The following MUC17 variants were observed in gnomAD, a reference collection of about 807,000 sequenced individuals.
The protein encoded by MUC17 is mucin 17, cell surface associated, also known as mucin-17.
Under a neutral mutation model 170.3 loss-of-function variants are expected in MUC17, and 190 were observed. The observed-to-expected ratio is 1.12, with a 90% CI of 0.99 to 1.26. The LOEUF (loss-of-function observed/expected upper bound fraction) is 1.26. MUC17 is among the 50% of genes most tolerant of loss of function. The pLI is 0.00. For synonymous variants in MUC17, 2,325 were observed against 2,002.5 expected, an observed-to-expected ratio of 1.16 and a Z score of -4.30; for missense variants, 6,415 against 5,530.0, an observed-to-expected ratio of 1.16 and a Z score of -5.08.
chr7:101,034,667 C>T lies in MUC17; in HGVS notation c.3251C>T (p.Thr1084Ile), dbSNP rs1306795142. ...TTYSQASSSS[T>I]TADGTSMPTS... is the part of the protein sequence containing the mutation. ...TATTCTCAAGCCAGTTCATCTTCTA[C>T]AACTGCTGACGGTACCAGCATGCCA... The change falls in exon 3 of 13, where the codon ACA becomes ATA. Residue 1084 changes from threonine to isoleucine, a missense_variant. Thr to Ile is a moderately conservative substitution (Grantham distance 89). Transcript: ENST00000306151. The T allele has an allele frequency of 6.2e-7, 1 of 1,606,846 alleles. No individual in the cohort carries two copies. The highest frequency in any genetic ancestry group is 8.5e-7 in the Non-Finnish European group (1 of 1,175,926).
At position 101,035,779 on chromosome 7, in the gene MUC17, A is replaced by G. The variant is rs1479774536; in HGVS notation, c.4363A>G (p.Thr1455Ala). The G allele has an allele frequency of 1.2e-6, 2 of 1,609,116 alleles. No individual in the cohort carries two copies. Among genetic ancestry groups the G allele is most frequent in the Admixed American group, 1.7e-5 (1 of 59,668 alleles). The change falls in exon 3 of 13, where the codon ACT (threonine) becomes GCT (alanine). Residue 1455 changes from threonine (T) to alanine (A), a missense_variant. Coordinates refer to ENST00000306151, the MANE Select transcript of MUC17 (RefSeq NM_001040105.2). ...IPTSTPSEGK[T>A]PLKSIPVSNT... is the part of the protein sequence containing the mutation. ...AACCTCAACTCCTAGTGAAGGAAAG[A>G]CTCCATTAAAAAGTATACCTGTCAG... is the stretch of plus-strand genomic sequence containing the variant.
intron 12 of MUC17, among the ~76,000 whole-genome samples, chr7:101,057,470 C>T (rs534391900): frequency 8.5e-5 from 13 of 152,290 alleles, no homozygotes; most frequent in Admixed American, 8.5e-4. Flanking sequence ...AGGCCAGGTG[C>T]GGTGGCTCAT....
In MUC17 at chr7:101,037,319, C is replaced by T; in HGVS notation, c.5903C>T (p.Thr1968Ile). Residue 1968 changes from threonine (T) to isoleucine (I), a missense_variant, in exon 3 of 13, where the codon ACA becomes ATA. Thr to Ile is a moderately conservative substitution (Grantham distance 89). Coordinates refer to ENST00000306151, the MANE Select transcript of MUC17 (RefSeq NM_001040105.2). The part of the protein sequence containing the change: ...TTYSQASSSP[T>I]TADGTSMPTP... The stretch of plus-strand genomic sequence containing the variant: ...TATTCTCAAGCCAGTTCATCTCCTA[C>T]AACTGCTGATGGTACCAGCATGCCA... 6.2e-7 allele frequency: 1 copy of T among 1,614,088 alleles called. No individual in the cohort carries two copies.
At position 101,035,575 on chromosome 7, in the gene MUC17, C is replaced by A. The variant is rs770816615; in HGVS notation, c.4159C>A (p.Pro1387Thr). The A allele has an allele frequency of 6.2e-7, 1 of 1,602,262 alleles. No homozygotes were observed. Residue 1387 changes from proline to threonine, a missense_variant, in exon 3 of 13, where the codon CCA becomes ACA. Physicochemically the swap from Pro to Thr is conservative, Grantham distance 38. Coordinates refer to ENST00000306151, the MANE Select transcript of MUC17 (RefSeq NM_001040105.2). ...SPTTSEGTSM[P>T]NSNPSEGTTP... ...TACAACTTCTGAAGGTACCAGCATG[C>A]CAAACTCAAATCCTAGTGAAGGAAC...
intron 11 of MUC17, among the ~76,000 whole-genome samples, chr7:101,054,834 A>C (rs916110926): frequency 2.6e-5 from 4 of 150,968 alleles, no homozygotes; most frequent in African/African-American, 9.9e-5. Flanking sequence ...CAAAACAAAC[A>C]AAAAAAATGT....
At chr7:101,024,738 C>CTTTTTTTTTTTTTTT (rs35811119) in intron 1 of MUC17, among the ~76,000 whole-genome samples, 1 of 125,464 alleles carries the variant, frequency 8.0e-6, no homozygotes, top group Non-Finnish European at 1.6e-5. Flanking sequence ...CTGTCTCCTC[C>CTTTTTTTTTTTTTTT]TTTTTTTTTT....
At position 101,055,983 on chromosome 7, in the gene MUC17, C is replaced by T. The variant is rs1264865900; in HGVS notation, c.13364-211C>T. ...CAAGACTTGTGGGATGCAGCTACAG[C>T]TATACTCAGAAAATTCATAGCCTTA... On this transcript the variant is annotated intron_variant, in intron 11 of 12. Transcript: ENST00000306151. 5.9e-5 allele frequency among the ~76,000 whole-genome samples: 9 copies of T among 152,228 alleles called. No individual in the cohort carries two copies. The South Asian group carries it at 1.7e-3, about 28-fold the overall frequency.
rs188123828 is a variant in MUC17 at position 101,048,154 on chromosome 7, G to A, written c.12535+39G>A. Reference sequence around the variant, plus strand: ...CAGGCCTTCCCCCACCCCATGCCCTGGGACCCGACCTCCATACAAGCAACA... The same window carrying A: ...CAGGCCTTCCCCCACCCCATGCCCTAGGACCCGACCTCCATACAAGCAACA... On this transcript the variant is annotated intron_variant, in intron 4 of 12. Transcript: ENST00000306151. 109 of 1,514,362 alleles carry A rather than the reference G, an allele frequency of 7.2e-5. No homozygotes were observed. In the African/African-American group the frequency reaches 1.3e-3, roughly 19 times the overall value. The allele number at this position is 1,514,362 out of a possible 1,614,324, so 93.8% of individuals were successfully genotyped here.
Position 101,034,746 on chromosome 7 carries a change from C to G in MUC17, c.3330C>G (p.Thr1110=). Residue 1110 remains threonine (T), a synonymous_variant, in exon 3 of 13, where the codon ACC becomes ACG. Coordinates refer to ENST00000306151, the MANE Select transcript of MUC17 (RefSeq NM_001040105.2). The stretch of plus-strand genomic sequence containing the variant: ...CACTAACAAGTGTGCCTGTCAGCAC[C>G]AGGCTGGTGGTCAGTTCTGAGGCTA... ...STPLTSVPVS[T]RLVVSSEAST... 1.2e-6 allele frequency: 2 copies of G among 1,607,176 alleles called. No homozygotes were observed. Among genetic ancestry groups the G allele is most frequent in the Admixed American group, 1.7e-5 (1 of 59,586 alleles).
rs375644852 is a variant in MUC17, at chr7:101,035,314, A to T, written c.3898A>T (p.Thr1300Ser). The T allele has an allele frequency of 1.2e-5, 20 of 1,609,242 alleles. No homozygotes were observed. In the African/African-American group the frequency reaches 2.6e-4, roughly 21 times the overall value. ...CAGTCCTGAGGCTAGCACCCTTTTAACAACTCCTGTTGACACTAAAGGTCC... is the reference window on the plus strand; with the variant it reads ...CAGTCCTGAGGCTAGCACCCTTTTATCAACTCCTGTTGACACTAAAGGTCC... ...VTSPEASTLL[T>S]TPVDTKGPVV... The change falls in exon 3 of 13, where the codon ACA (threonine) becomes TCA (serine). Residue 1300 changes from threonine to serine, a missense_variant. Transcript: ENST00000306151.
intron 1 of MUC17, among the ~76,000 whole-genome samples, chr7:101,020,563 A>G (rs1004995076): frequency 2.0e-5 from 3 of 151,984 alleles, no homozygotes; most frequent in Admixed American, 6.6e-5. Flanking sequence ...TCCCTGGCAC[A>G]AGACTGGTGT....
chr7:101,027,995 A>C (rs2116396449), intron 1 of MUC17, among the ~76,000 whole-genome samples: 1 of 150,066 alleles, frequency 6.7e-6, no homozygotes, highest in East Asian at 2.0e-4. Context: ...CTGGTCTCGA[A>C]CTCCTGGGCT....
Position 101,034,566 on chromosome 7 carries a change from C to T in MUC17, c.3150C>T (p.Ser1050=), listed in dbSNP as rs1466998994. 1 of 1,612,968 alleles carries T rather than the reference C, an allele frequency of 6.2e-7. No homozygotes were observed. The highest frequency in any genetic ancestry group is 1.3e-5 in the African/African-American group (1 of 75,018). ...GSTPLTRMPV[S]TTMVASSETS... Reference sequence around the variant, plus strand: ...CTCCATTAACACGTATGCCTGTCAGCACCACAATGGTGGCCAGTTCTGAAA... The same window carrying T: ...CTCCATTAACACGTATGCCTGTCAGTACCACAATGGTGGCCAGTTCTGAAA... The change falls in exon 3 of 13, where the codon AGC becomes AGT. Residue 1050 remains serine (S), a synonymous_variant. Coordinates refer to ENST00000306151, the MANE Select transcript of MUC17 (RefSeq NM_001040105.2).
chr7:101,056,856 C>A (rs200238282), intron 12 of MUC17, among the ~76,000 whole-genome samples: 11 of 149,590 alleles, frequency 7.4e-5, no homozygotes, highest in African/African-American at 2.7e-4. Context: ...ATTTTTTTTT[C>A]TCAGATGTAG....
Position 101,035,122 on chromosome 7 carries a change from G to T in MUC17, c.3706G>T (p.Ala1236Ser). 2.5e-6 allele frequency: 4 copies of T among 1,610,546 alleles called. No homozygotes were observed. The highest frequency in any genetic ancestry group is 3.4e-6 in the Non-Finnish European group (4 of 1,178,476). The change falls in exon 3 of 13, where the codon GCT becomes TCT. Residue 1236 changes from alanine to serine, a missense_variant. Coordinates refer to ENST00000306151, the MANE Select transcript of MUC17 (RefSeq NM_001040105.2). ...ACACACGCCAGTGGCCAGTTCTGAG[G>T]CTAGCACCCTTTCAACATCTCCCGT... ...VRHTPVASSEASTLSTSPVDT... is the reference protein window; with the variant it reads ...VRHTPVASSESSTLSTSPVDT...
At position 101,032,791 on chromosome 7, in the gene MUC17, G is replaced by C. The variant is rs1328546597; in HGVS notation, c.1375G>C (p.Val459Leu). The change falls in exon 3 of 13, where the codon GTC becomes CTC. Residue 459 changes from valine (V) to leucine (L), a missense_variant. Physicochemically the swap from Val to Leu is conservative, Grantham distance 32 (BLOSUM62 1). Coordinates refer to ENST00000306151, the MANE Select transcript of MUC17 (RefSeq NM_001040105.2). ...EGSTPLTSMP[V>L]STTPVASSEA... is the part of the protein sequence containing the mutation. Reference sequence around the variant, plus strand: ...AAGCACTCCATTAACAAGTATGCCTGTCAGCACCACTCCAGTGGCCAGTTC... The same window carrying C: ...AAGCACTCCATTAACAAGTATGCCTCTCAGCACCACTCCAGTGGCCAGTTC... The C allele has an allele frequency of 4.3e-6, 7 of 1,614,026 alleles. No homozygotes were observed. The highest frequency in any genetic ancestry group is 2.2e-5 in the South Asian group (2 of 91,068).
In MUC17 at chr7:101,035,736, T is replaced by G. The variant is rs1562808717; in HGVS notation, c.4320T>G (p.Ala1440=). The change falls in exon 3 of 13, where the codon GCT becomes GCG. Residue 1440 remains alanine (A), a synonymous_variant. Coordinates refer to ENST00000306151, the MANE Select transcript of MUC17 (RefSeq NM_001040105.2). Reference sequence around the variant, plus strand: ...AAGCCACTTCATCTCCTACAACTGCTGAAGGTATCAGCATACCAACCTCAA... The same window carrying G: ...AAGCCACTTCATCTCCTACAACTGCGGAAGGTATCAGCATACCAACCTCAA... The part of the protein sequence containing the change: ...SAEATSSPTT[A]EGISIPTSTP... 6.2e-7 allele frequency: 1 copy of G among 1,610,912 alleles called. No individual in the cohort carries two copies. The highest frequency in any genetic ancestry group is 1.7e-5 in the Admixed American group (1 of 59,896).
chr7:101,028,149 TG>T, intron 1 of MUC17, among the ~76,000 whole-genome samples: 1 of 150,786 alleles, frequency 6.6e-6, no homozygotes, highest in East Asian at 2.0e-4. Context: ...TGGAGTGCAG[TG>T]GCACGATCTT....
At position 101,043,488 on chromosome 7, in the gene MUC17, T is replaced by C. The variant is rs775814543; in HGVS notation, c.12072T>C (p.Ser4024=). 6.2e-7 allele frequency: 1 copy of C among 1,614,236 alleles called. No homozygotes were observed. The highest frequency in any genetic ancestry group is 2.2e-5 in the East Asian group (1 of 44,886). Residue 4024 remains serine, a synonymous_variant, in exon 3 of 13, where the codon TCT becomes TCC. Coordinates refer to ENST00000306151, the MANE Select transcript of MUC17 (RefSeq NM_001040105.2). ...CAACCAGCAGAGGCTGCACTACTTCTGCATCAACGCTTTCTGCAACCAGTA... is the reference window on the plus strand; with the variant it reads ...CAACCAGCAGAGGCTGCACTACTTCCGCATCAACGCTTTCTGCAACCAGTA... The part of the protein sequence containing the change: ...PRTTSRGCTT[S]ASTLSATSTP...
Sources: allele counts gnomAD v4.1 joint callset (sites outside exome capture counted in the v4.1 genomes callset), GRCh38; gene constraint gnomAD v4.1.1; transcripts MANE v1.5; gene names NCBI Gene and HGNC (gene_info 2026-07-23, HGNC 2026-07-21).